Variants in TTC17 observed in about 807,000 individuals in gnomAD.
TTC17 encodes the protein tetratricopeptide repeat protein 17.
In TTC17, 58 loss-of-function variants were observed where a neutral mutation model predicts 143.8. The ratio of observed to expected loss-of-function variants is 0.40; its 90% CI spans 0.33 to 0.50. The LOEUF (loss-of-function observed/expected upper bound fraction) is 0.50, where lower values mean the gene tolerates loss of function less well. TTC17 is among the 20% of genes least tolerant of loss of function. The probability of loss-of-function intolerance (pLI) is 0.49; values close to 1 mark genes in which losing one functional copy is unlikely to be tolerated. For synonymous variants in TTC17, 501 were observed against 497.8 expected (o/e 1.01, Z -0.09); for missense variants, 1,273 against 1,392.5 (o/e 0.91, Z 1.37).
intron 21 of TTC17, among the ~76,000 whole-genome samples, chr11:43,470,932 T>A (rs1948080151): frequency 6.6e-6 from 1 of 152,228 alleles, no homozygotes; most frequent in Non-Finnish European, 1.5e-5. Flanking sequence ...GGTCCCCATG[T>A]TCTTTTAGCT....
At position 43,405,816 on chromosome 11, in the gene TTC17, T is replaced by C; in HGVS notation, c.1626T>C (p.Ser542=). ...RIHELSSDDY[S]TEEEAQTPDC... Reference sequence around the variant, plus strand: ...ACGAACTCAGCAGTGATGATTATTCTACAGAAGAAGAGGCCCAAACCCCTG... The same window carrying C: ...ACGAACTCAGCAGTGATGATTATTCCACAGAAGAAGAGGCCCAAACCCCTG... Residue 542 remains serine (S), a synonymous_variant, in exon 13 of 24, where the codon TCT becomes TCC. Coordinates refer to ENST00000039989, the MANE Select transcript of TTC17 (RefSeq NM_018259.6). 4.3e-6 allele frequency: 7 copies of C among 1,614,060 alleles called. No homozygotes were observed. The highest frequency in any genetic ancestry group is 5.9e-6 in the Non-Finnish European group (7 of 1,179,924).
At chr11:43,386,621 C>T (rs989805145) in intron 2 of TTC17, among the ~76,000 whole-genome samples, 2 of 151,874 alleles carry the variant, frequency 1.3e-5, no homozygotes, top group African/African-American at 4.8e-5. Context: ...ATAAAGTTGC[C>T]CACCTTATAA....
intron 5 of TTC17, among the ~76,000 whole-genome samples, chr11:43,392,330 C>G (rs1254211719): frequency 6.6e-6 from 1 of 152,066 alleles, no homozygotes; most frequent in Non-Finnish European, 1.5e-5. Context: ...GAAAAAGAAT[C>G]ACCACCAGCA....
intron 15 of TTC17, among the ~76,000 whole-genome samples, chr11:43,412,343 C>T (rs76591667): frequency 0.036 from 5,406 of 151,692 alleles, 114 homozygotes; most frequent in Middle Eastern, 0.051. Flanking sequence ...AAAAAATTAG[C>T]CAAGTGTGGT....
chr11:43,411,206 C>CTTA lies in TTC17; in HGVS notation c.2065-3383_2065-3381dup, dbSNP rs570336542. Among the ~76,000 whole-genome samples the CTTA allele has an allele frequency of 1.2e-4, 18 of 152,282 alleles. No individual in the cohort carries two copies. In the South Asian group the frequency reaches 3.7e-3, roughly 32 times the overall value. Reference sequence around the variant, plus strand: ...TGACCTTATCTCTGTGAAGTCATTCCTTAGCACATTCTATTCTAGCCTCAC... The same window carrying CTTA: ...TGACCTTATCTCTGTGAAGTCATTCCTTATTAGCACATTCTATTCTAGCCTCAC... On this transcript the variant is annotated intron_variant, in intron 15 of 23. Transcript: ENST00000039989.
intron 11 of TTC17, 106 bp from the exon 12 acceptor site, chr11:43,405,408 A>G (rs1231032223): frequency 2.5e-6 from 2 of 814,580 alleles, no homozygotes; most frequent in Non-Finnish European, 4.1e-6. Context: ...ATCTTAAGAT[A>G]TTATAGTTTT....
chr11:43,446,644 T>C (rs1470815641), intron 18 of TTC17: 1 of 984,354 alleles, frequency 1.0e-6, no homozygotes, highest in Admixed American at 6.2e-5. Context: ...AAAATCTCAA[T>C]CTAAACCCCT....
chr11:43,491,926 G>A (rs1417766559), intron 22 of TTC17, 94 bp from the exon 23 acceptor site: 1 of 1,525,644 alleles, frequency 6.6e-7, no homozygotes, highest in Non-Finnish European at 8.9e-7. Flanking sequence ...TCATTCACCA[G>A]GAAACACAGA....
At chr11:43,460,136 C>T (rs1947838644) in intron 21 of TTC17, among the ~76,000 whole-genome samples, 1 of 151,644 alleles carries the variant, frequency 6.6e-6, no homozygotes, top group South Asian at 2.1e-4. Flanking sequence ...GAACCTTTTG[C>T]TGAAGAAGCT....
At chr11:43,493,672 T>C in intron 23 of TTC17, 101 bp from the exon 24 acceptor site, 1 of 1,553,384 alleles carries the variant, frequency 6.4e-7, no homozygotes, top group East Asian at 2.3e-5. Context: ...TGCTGCGGGA[T>C]TGTCCCTAGT....
chr11:43,451,391 A>G lies in TTC17; in HGVS notation c.3030+126A>G, dbSNP rs1947655163. On this transcript the variant is annotated intron_variant, in intron 21 of 23. Coordinates refer to ENST00000039989, the MANE Select transcript of TTC17 (RefSeq NM_018259.6). Reference sequence around the variant, plus strand: ...TTAGCACTTGGTGGCTAAAAGGATAATGTGAAATAACTCCCCTCAGAATGT... The same window carrying G: ...TTAGCACTTGGTGGCTAAAAGGATAGTGTGAAATAACTCCCCTCAGAATGT... The G allele has an allele frequency of 5.2e-6, 4 of 772,496 alleles. No homozygotes were observed. In the East Asian group the frequency reaches 1.1e-4, roughly 21 times the overall value. The allele number at this position is 772,496 out of a possible 1,614,324, so 47.9% of individuals were successfully genotyped here.
At chr11:43,486,578 GAT>G (rs1301659385) in intron 21 of TTC17, 2 of 282,218 alleles carry the variant, frequency 7.1e-6, no homozygotes, top group Non-Finnish European at 1.5e-5. Flanking sequence ...GAATAATAAA[GAT>G]AACATTTAGA....
Position 43,407,521 on chromosome 11 carries a change from CTTCATCT to C in TTC17, c.2010_2016del (p.His671MetfsTer18), listed in dbSNP as rs953516302. On this transcript the variant is annotated frameshift_variant, in exon 15 of 24. Coordinates refer to ENST00000039989, the MANE Select transcript of TTC17 (RefSeq NM_018259.6). LOFTEE classifies it high-confidence loss of function. ...GGCCAACCTTTTGATTCATTACGGC[CTTCATCT>C]TGATGCCACTAAGCTGCTACTTCAA... is the stretch of plus-strand genomic sequence containing the variant. 6.2e-7 allele frequency: 1 copy of C among 1,613,956 alleles called. No individual in the cohort carries two copies.
Position 43,366,308 on chromosome 11 carries a change from C to T in TTC17, c.159+7195C>T, listed in dbSNP as rs143347543. Among the ~76,000 whole-genome samples, 922 of 151,976 alleles carry T rather than the reference C, an allele frequency of 6.1e-3. 7 individuals carry two copies. The highest frequency in any genetic ancestry group is 0.02 in the African/African-American group (845 of 41,454). Reference sequence around the variant, plus strand: ...TTTATTTAATTAAAAATTTTGAAACCATCCTGGGCAACATGGTAAAACCCC... The same window carrying T: ...TTTATTTAATTAAAAATTTTGAAACTATCCTGGGCAACATGGTAAAACCCC... On this transcript the variant is annotated intron_variant, in intron 1 of 23. Coordinates refer to ENST00000039989, the MANE Select transcript of TTC17 (RefSeq NM_018259.6).
chr11:43,397,485 A>G lies in TTC17; in HGVS notation c.912A>G (p.Ile304Met), dbSNP rs367605520. 1 of 1,609,072 alleles carries G rather than the reference A, an allele frequency of 6.2e-7. No individual in the cohort carries two copies. The highest frequency in any genetic ancestry group is 8.5e-7 in the Non-Finnish European group (1 of 1,179,074). Residue 304 changes from isoleucine (I) to methionine (M), a missense_variant, in exon 7 of 24, where the codon ATA (isoleucine) becomes ATG (methionine). This residue lies in a region of TTC17 where 325 missense variants were observed against 444.2 expected (regional missense o/e 0.73). Coordinates refer to ENST00000039989, the MANE Select transcript of TTC17 (RefSeq NM_018259.6). Reference sequence around the variant, plus strand: ...CCAGCTATTACACTTTGGGGAATATATATGCAGTAAGTACTACTCTTTGTT... The same window carrying G: ...CCAGCTATTACACTTTGGGGAATATGTATGCAGTAAGTACTACTCTTTGTT... ...FFTSYYTLGN[I>M]YAMLGEYNHS...
Position 43,405,890 on chromosome 11 carries a change from T to G in TTC17, c.1700T>G (p.Val567Gly), listed in dbSNP as rs149576690. Residue 567 changes from valine (V) to glycine (G), a missense_variant, in exon 13 of 24, where the codon GTC becomes GGC. This residue lies in a region of TTC17 where 878 missense variants were observed against 899.8 expected (regional missense o/e 0.98). Coordinates refer to ENST00000039989, the MANE Select transcript of TTC17 (RefSeq NM_018259.6). ...AAAAGCCACACTCTGTCCTACTTAGTCAAAGAATTAGAGGTTCGCATGGAT... is the reference window on the plus strand; with the variant it reads ...AAAAGCCACACTCTGTCCTACTTAGGCAAAGAATTAGAGGTTCGCATGGAT... The part of the protein sequence containing the change: ...FRKSHTLSYL[V>G]KELEVRMDLK... 1 of 1,613,940 alleles carries G rather than the reference T, an allele frequency of 6.2e-7. No homozygotes were observed.
chr11:43,406,501 T>C (rs1414917534), intron 13 of TTC17, among the ~76,000 whole-genome samples: 1 of 151,930 alleles, frequency 6.6e-6, no homozygotes, highest in Non-Finnish European at 1.5e-5. Context: ...ATATTAGATA[T>C]CATTCCATAG....
chr11:43,422,464 G>C (rs1946928235), intron 16 of TTC17, among the ~76,000 whole-genome samples: 1 of 152,034 alleles, frequency 6.6e-6, no homozygotes, highest in Non-Finnish European at 1.5e-5. Context: ...TCATTAGCTT[G>C]GATGAAATTA....
rs1947630670 is a variant in TTC17 at position 43,450,201 on chromosome 11, G to A, written c.2906G>A (p.Arg969Gln). Residue 969 changes from arginine to glutamine, a missense_variant, in exon 20 of 24, where the codon CGA becomes CAA. Physicochemically the swap from Arg to Gln is conservative, Grantham distance 43. Around this residue, in one of 3 missense-constraint regions of TTC17, gnomAD observed 878 missense variants for 899.8 expected, o/e 0.98. Transcript: ENST00000039989. ...GACCACTTGCATGGGGTTTCCAACC[G>A]AGCCAGCCTGCACTACACAGGGGAG... is the stretch of plus-strand genomic sequence containing the variant. ...TLDHLHGVSN[R>Q]ASLHYTGESQ... is the part of the protein sequence containing the mutation. 9 of 1,613,968 alleles carry A rather than the reference G, an allele frequency of 5.6e-6. No individual in the cohort carries two copies. Among genetic ancestry groups the A allele is most frequent in the Non-Finnish European group, 7.6e-6 (9 of 1,180,020 alleles).
Sources: gnomAD v4.1 joint callset for allele counts (sites outside exome capture counted in the v4.1 genomes callset) on GRCh38, gnomAD v4.1.1 for gene constraint, gnomAD v4.1.1 regional missense constraint, MANE v1.5 for transcripts, NCBI Gene and HGNC (gene_info 2026-07-23, HGNC 2026-07-21) for gene names.